Variants in SYNPO2 observed in about 807,000 individuals in gnomAD.
SYNPO2 encodes synaptopodin-2.
Under a neutral mutation model 85.0 loss-of-function variants are expected in SYNPO2, and 56 were observed. That is an observed-to-expected ratio of 0.66 (90% confidence interval 0.53 to 0.82). SYNPO2 has a LOEUF of 0.82. Ranked by LOEUF, SYNPO2 falls within the 40% of genes least tolerant of loss-of-function variation. The pLI, the probability that SYNPO2 is intolerant of heterozygous loss-of-function variation, is 0.00. For missense variants in SYNPO2, 1,575 were observed against 1,534.2 expected, an observed-to-expected ratio of 1.03 and a Z score of -0.44; for synonymous variants, 602 against 591.1, an observed-to-expected ratio of 1.02 and a Z score of -0.27.
At chr4:119,035,075 T>C (rs1320745421) in intron 4 of SYNPO2, 1 of 985,360 alleles carries the variant, frequency 1.0e-6, no homozygotes, top group Non-Finnish European at 1.2e-6. Flanking sequence ...GTTCCTATGT[T>C]ATGTTAGGTG....
At chr4:119,039,813 T>C (rs1738651238) in intron 4 of SYNPO2, among the ~76,000 whole-genome samples, 2 of 152,130 alleles carry the variant, frequency 1.3e-5, no homozygotes, top group Admixed American at 1.3e-4. Flanking sequence ...AGACAAGACT[T>C]TTTTTTAATT....
At chr4:118,966,489 T>C (rs1409754204) in intron 1 of SYNPO2, among the ~76,000 whole-genome samples, 1 of 152,176 alleles carries the variant, frequency 6.6e-6, no homozygotes, top group Non-Finnish European at 1.5e-5. Context: ...GGACTTCTTC[T>C]ATATAATCTT....
intron 1 of SYNPO2, among the ~76,000 whole-genome samples, chr4:118,938,517 G>A (rs904459290): frequency 6.6e-6 from 1 of 152,054 alleles, no homozygotes; most frequent in Non-Finnish European, 1.5e-5. Context: ...CATATTGTAG[G>A]CAAAAGTCAG....
intron 3 of SYNPO2, among the ~76,000 whole-genome samples, chr4:119,028,952 A>G (rs1341192399): frequency 6.6e-6 from 1 of 151,702 alleles, no homozygotes; most frequent in Non-Finnish European, 1.5e-5. Context: ...AGAAAATTTT[A>G]AATATTTTTA....
chr4:118,898,859 A>G (rs1407087188), intron 1 of SYNPO2, among the ~76,000 whole-genome samples: 2 of 152,166 alleles, frequency 1.3e-5, no homozygotes, highest in Non-Finnish European at 2.9e-5. Context: ...TCTCTCAAAC[A>G]CTGTTCCTCC....
rs143974448 is a variant in SYNPO2, at chr4:118,865,977, G to T, written c.12+15037G>T. Among the ~76,000 whole-genome samples, 20 of 152,266 alleles carry T rather than the reference G, an allele frequency of 1.3e-4. 3 individuals carry two copies. The highest frequency in any genetic ancestry group is 4.3e-4 in the African/African-American group (18 of 41,548). On this transcript the variant is annotated intron_variant, in intron 1 of 4. Transcript: ENST00000610556. Reference sequence around the variant, plus strand: ...GATTGGAACCCAGGAGAGTGAAGCTGATTCACAACACTTCATGTGTAGAAT... The same window carrying T: ...GATTGGAACCCAGGAGAGTGAAGCTTATTCACAACACTTCATGTGTAGAAT...
intron 1 of SYNPO2, among the ~76,000 whole-genome samples, chr4:118,983,831 A>G (rs1225257418): frequency 2.0e-5 from 3 of 152,074 alleles, no homozygotes; most frequent in Non-Finnish European, 4.4e-5. Flanking sequence ...TCTATGTCCT[A>G]TATCATAGGC....
chr4:118,886,598 G>A (rs545126361), upstream of SYNPO2, among the ~76,000 whole-genome samples: 98 of 152,200 alleles, frequency 6.4e-4, 1 homozygote, highest in African/African-American at 2.2e-3. Flanking sequence ...CTTTTTTTAT[G>A]GCTGCATAGT....
intron 1 of SYNPO2, among the ~76,000 whole-genome samples, chr4:118,868,517 A>T (rs1042361475): frequency 6.6e-6 from 1 of 152,212 alleles, no homozygotes; most frequent in East Asian, 1.9e-4. Context: ...CTTTTATTTA[A>T]AAAGAGAAAG....
At chr4:118,891,052 A>G (rs1222483354) in intron 1 of SYNPO2, among the ~76,000 whole-genome samples, 1 of 152,080 alleles carries the variant, frequency 6.6e-6, no homozygotes, top group Non-Finnish European at 1.5e-5. Flanking sequence ...TGAAGAGCTG[A>G]AGCAGATTGC....
In SYNPO2 at chr4:118,888,943, C is replaced by T. The variant is rs1262084825; in HGVS notation, c.-94C>T. ...TCTGCATTACCCAGTCTTGCGTCCT[C>T]GGCAGGCGCCCGAAGCTGAGTGCGC... On this transcript the variant is annotated 5_prime_UTR_variant, in exon 1 of 5. Transcript: ENST00000307142. 2.3e-6 allele frequency: 3 copies of T among 1,297,030 alleles called. No individual in the cohort carries two copies. Among genetic ancestry groups the T allele is most frequent in the Non-Finnish European group, 2.2e-6 (2 of 899,962 alleles). The allele number at this position is 1,297,030 out of a possible 1,614,324, so 80.3% of individuals were successfully genotyped here. A position where few individuals can be genotyped will look rare whatever the true frequency, so the allele number is the denominator to read the frequency against.
chr4:118,933,146 TAA>T (rs1384211124), intron 1 of SYNPO2, among the ~76,000 whole-genome samples: 8 of 152,218 alleles, frequency 5.3e-5, no homozygotes, highest in Non-Finnish European at 8.8e-5. Flanking sequence ...AGGAAAGCCT[TAA>T]GTTTCCTTTA....
intron 1 of SYNPO2, among the ~76,000 whole-genome samples, chr4:118,891,192 T>A (rs2149113836): frequency 6.6e-6 from 1 of 152,304 alleles, no homozygotes; most frequent in African/African-American, 2.4e-5. Context: ...TACCCAGCAA[T>A]ACATTTGTGG....
intron 1 of SYNPO2, among the ~76,000 whole-genome samples, chr4:118,864,791 C>G (rs562405754): frequency 1.3e-5 from 2 of 152,178 alleles, no homozygotes; most frequent in East Asian, 3.9e-4. Context: ...CTTTCATTAG[C>G]TTGGAATATC....
At chr4:119,038,239 A>G in intron 4 of SYNPO2, 1 of 985,414 alleles carries the variant, frequency 1.0e-6, no homozygotes, top group East Asian at 1.1e-4. Flanking sequence ...TCTGCTTTGT[A>G]GATAGCTTTG....
At chr4:118,979,149 A>G (rs899026807) in intron 1 of SYNPO2, among the ~76,000 whole-genome samples, 2 of 152,252 alleles carry the variant, frequency 1.3e-5, no homozygotes, top group African/African-American at 4.8e-5. Context: ...CACAAAACAA[A>G]AACACCCCTA....
In SYNPO2 at chr4:118,865,396, A is replaced by G. The variant is rs572952864; in HGVS notation, c.12+14456A>G. On this transcript the variant is annotated intron_variant, in intron 1 of 4. Transcript: ENST00000610556. Reference sequence around the variant, plus strand: ...GTGCTGAAGCACCATAAAGCCGAATATGGAAGGGTGGATTTGAAACAGACA... The same window carrying G: ...GTGCTGAAGCACCATAAAGCCGAATGTGGAAGGGTGGATTTGAAACAGACA... 2.1e-4 allele frequency among the ~76,000 whole-genome samples: 32 copies of G among 152,380 alleles called. No homozygotes were observed. The South Asian group carries it at 2.9e-3, about 14-fold the overall frequency.
At chr4:118,874,920 T>C (rs1293466001) in intron 1 of SYNPO2, among the ~76,000 whole-genome samples, 2 of 152,186 alleles carry the variant, frequency 1.3e-5, no homozygotes, top group Admixed American at 6.5e-5. Flanking sequence ...GTTTGTTGCA[T>C]ATGTAAACGT....
intron 1 of SYNPO2, among the ~76,000 whole-genome samples, chr4:118,863,666 C>T (rs1366799958): frequency 6.6e-6 from 1 of 151,988 alleles, no homozygotes; most frequent in African/African-American, 2.4e-5. Flanking sequence ...TGCTGGAGTG[C>T]AGTGGCGTGA....
Sources: allele counts gnomAD v4.1 joint callset (sites outside exome capture counted in the v4.1 genomes callset), GRCh38; gene constraint gnomAD v4.1.1; transcripts MANE v1.5; gene names NCBI Gene and HGNC (gene_info 2026-07-23, HGNC 2026-07-21).